The following CDH13 variants were observed in gnomAD, a reference collection of about 807,000 sequenced individuals.
CDH13 encodes cadherin-13.
In CDH13, 24 loss-of-function variants were observed where a neutral mutation model predicts 63.8. The ratio of observed to expected loss-of-function variants is 0.38; its 90% confidence interval spans 0.27 to 0.53. CDH13 has a LOEUF of 0.53. Among genes scored for constraint, CDH13 ranks in the 20% least tolerant of loss-of-function variants. CDH13 has a pLI of 0.85. For synonymous variants in CDH13, 503 were observed against 355.3 expected (o/e 1.42, Z -4.67); for missense variants, 1,049 against 903.1 (o/e 1.16, Z -2.07).
chr16:82,692,513 G>A (rs1367078251), intron 1 of CDH13, among the ~76,000 whole-genome samples: 2 of 152,014 alleles, frequency 1.3e-5, no homozygotes, highest in Non-Finnish European at 2.9e-5. Flanking sequence ...TCACTACCAT[G>A]AGAATGACAT....
chr16:82,823,759 A>G (rs1434774664), intron 1 of CDH13: 1 of 152,228 alleles, frequency 6.6e-6, no homozygotes, highest in African/African-American at 2.4e-5. Flanking sequence ...TTGGAGAACT[A>G]GAATATTGAA....
intron 2 of CDH13, among the ~76,000 whole-genome samples, chr16:82,996,748 T>A (rs1337171028): frequency 6.6e-6 from 1 of 152,144 alleles, no homozygotes; most frequent in East Asian, 1.9e-4. Flanking sequence ...ATGATTATGG[T>A]AATGATAACT....
intron 1 of CDH13, among the ~76,000 whole-genome samples, chr16:82,717,758 C>T (rs1374294941): frequency 6.6e-6 from 1 of 152,186 alleles, no homozygotes; most frequent in African/African-American, 2.4e-5. Context: ...TTGGCCACAT[C>T]TGCAATGTCT....
At chr16:83,218,673 A>G (rs1268694428) in intron 5 of CDH13, among the ~76,000 whole-genome samples, 2 of 152,158 alleles carry the variant, frequency 1.3e-5, no homozygotes, top group African/African-American at 2.4e-5. Flanking sequence ...ACAAAAAACT[A>G]AGGAAAGATA....
chr16:82,752,302 C>T (rs566096188), intron 1 of CDH13, among the ~76,000 whole-genome samples: 7 of 152,284 alleles, frequency 4.6e-5, no homozygotes, highest in South Asian at 4.1e-4. Context: ...TCAAAGAGCC[C>T]GCCAATGATG....
chr16:83,301,200 T>A (rs1251438881), intron 5 of CDH13, among the ~76,000 whole-genome samples: 2 of 151,324 alleles, frequency 1.3e-5, no homozygotes, highest in African/African-American at 4.9e-5. Context: ...CCCGGCTAAT[T>A]TTTTGTATTT....
chr16:83,779,207 C>G (rs1043141976), intron 11 of CDH13, among the ~76,000 whole-genome samples: 7 of 151,698 alleles, frequency 4.6e-5, no homozygotes, highest in African/African-American at 1.7e-4. Flanking sequence ...GAGTTTGAGA[C>G]CAGCCTGGCC....
chr16:83,212,762 T>C (rs1242309660), intron 4 of CDH13, among the ~76,000 whole-genome samples: 3 of 152,138 alleles, frequency 2.0e-5, no homozygotes, highest in Non-Finnish European at 1.5e-5. Context: ...GGGGGGATTG[T>C]TAAAGCTCAG....
At chr16:83,365,045 G>A (rs574739622) in intron 6 of CDH13, among the ~76,000 whole-genome samples, 25 of 152,280 alleles carry the variant, frequency 1.6e-4, no homozygotes, top group South Asian at 6.2e-4. Flanking sequence ...AAACCTACAC[G>A]TTCTGCACAT....
chr16:83,723,425 T>C (rs1418713469), intron 10 of CDH13, among the ~76,000 whole-genome samples: 1 of 152,254 alleles, frequency 6.6e-6, no homozygotes. Flanking sequence ...GTCTCCAAGC[T>C]GCTGCTTAGC....
chr16:83,132,617 T>A (rs1014436079), intron 4 of CDH13, among the ~76,000 whole-genome samples: 1 of 151,920 alleles, frequency 6.6e-6, no homozygotes, highest in Non-Finnish European at 1.5e-5. Flanking sequence ...CTAATTTTTG[T>A]ATTTTTTTAG....
intron 5 of CDH13, among the ~76,000 whole-genome samples, chr16:83,224,315 T>C (rs1387070121): frequency 2.0e-5 from 3 of 152,248 alleles, no homozygotes; most frequent in African/African-American, 7.2e-5. Flanking sequence ...TATAAACATG[T>C]GTGTGCAAGT....
intron 10 of CDH13, 93 bp downstream of exon 10, chr16:83,678,554 A>G (rs1167536414): frequency 4.1e-6 from 6 of 1,454,210 alleles, no homozygotes; most frequent in Non-Finnish European, 5.6e-6. Flanking sequence ...AGCAGACACC[A>G]TTAAATTAAA....
intron 1 of CDH13, among the ~76,000 whole-genome samples, chr16:82,682,558 G>A (rs1368631477): frequency 6.6e-6 from 1 of 151,980 alleles, no homozygotes; most frequent in Admixed American, 6.6e-5. Context: ...AGTTAATTTC[G>A]GTATTTAATA....
At chr16:82,924,228 T>C (rs1180914925) in intron 2 of CDH13, among the ~76,000 whole-genome samples, 1 of 152,198 alleles carries the variant, frequency 6.6e-6, no homozygotes, top group East Asian at 1.9e-4. Flanking sequence ...AAGATAATGA[T>C]CAAAGGACTC....
intron 1 of CDH13, among the ~76,000 whole-genome samples, chr16:82,722,295 C>G (rs1344741812): frequency 6.6e-6 from 1 of 152,168 alleles, no homozygotes; most frequent in Non-Finnish European, 1.5e-5. Context: ...AATGGTTTCT[C>G]TCCATCTCTT....
chr16:83,328,697 A>T (rs2090421839), intron 5 of CDH13, among the ~76,000 whole-genome samples: 1 of 152,150 alleles, frequency 6.6e-6, no homozygotes, highest in Non-Finnish European at 1.5e-5. Flanking sequence ...GAAGCAGCTG[A>T]TGGAGTGGAT....
chr16:82,791,357 A>C (rs1394408155), intron 1 of CDH13, among the ~76,000 whole-genome samples: 2 of 152,198 alleles, frequency 1.3e-5, no homozygotes, highest in Admixed American at 6.5e-5. Flanking sequence ...AAGAGGGTTC[A>C]CTAAAATACA....
intron 3 of CDH13, among the ~76,000 whole-genome samples, chr16:83,084,903 G>C (rs7203809): frequency 0.58 from 88,683 of 152,000 alleles, 26,466 homozygotes; most frequent in African/African-American, 0.71. Context: ...AATAAAATAG[G>C]TTGAGTAAGT....
Sources: allele counts gnomAD v4.1 joint callset (sites outside exome capture counted in the v4.1 genomes callset), GRCh38; gene constraint gnomAD v4.1.1; transcripts MANE v1.5; gene names NCBI Gene and HGNC (gene_info 2026-07-23, HGNC 2026-07-21).